Variants in ASB18 observed in about 807,000 individuals in gnomAD.
The protein encoded by ASB18 is ankyrin repeat and SOCS box containing 18.
ASB18 carries 33 observed loss-of-function variants against 33.4 expected under a neutral mutation model. The observed-to-expected ratio is 0.99, with a 90% CI of 0.75 to 1.32. ASB18 has a LOEUF of 1.32. Ranked by LOEUF, ASB18 falls within the 40% of genes most tolerant of loss-of-function variation. The pLI is 0.00. For missense variants in ASB18, 694 were observed against 655.5 expected, an observed-to-expected ratio of 1.06 and a Z score of -0.64; for synonymous variants, 295 against 307.6, an observed-to-expected ratio of 0.96 and a Z score of 0.43.
In ASB18 at chr2:236,208,813, G is replaced by A. The variant is rs1209412699; in HGVS notation, c.1101+5549C>T. Among the ~76,000 whole-genome samples the A allele has an allele frequency of 2.0e-5, 3 of 152,084 alleles. No individual in the cohort carries two copies. The highest frequency in any genetic ancestry group is 1.9e-4 in the East Asian group (1 of 5,190). On this transcript the variant is annotated intron_variant, in intron 4 of 5. Transcript: ENST00000409749. This position sits in a 1 kb window ranked among gnomAD's most constrained non-coding sequence, Gnocchi z 7.7. ...GCCAACACAGTTTAAAAATCTCCGCGGCCTCCTTGCTGTCTGCGGAGAGGC... is the reference window on the plus strand; with the variant it reads ...GCCAACACAGTTTAAAAATCTCCGCAGCCTCCTTGCTGTCTGCGGAGAGGC...
In ASB18 at chr2:236,244,711, C is replaced by G. The variant is rs867586147; in HGVS notation, c.206-3309G>C. On this transcript the variant is annotated intron_variant, in intron 1 of 5. Coordinates refer to ENST00000409749, the MANE Select transcript of ASB18 (RefSeq NM_212556.4). The surrounding 1 kb of genome is among the most constrained non-coding windows in gnomAD (Gnocchi z 6.1). ...AAGAGTAACCTGGCTTTTGGGTTGC[C>G]CCTTTCACCAAGATCTTCTATAACT... 6.6e-6 allele frequency among the ~76,000 whole-genome samples: 1 copy of G among 151,976 alleles called. No homozygotes were observed. The highest frequency in any genetic ancestry group is 2.1e-4 in the South Asian group (1 of 4,814).
intron 3 of ASB18, among the ~76,000 whole-genome samples, chr2:236,230,936 A>C (rs1366728025): frequency 6.6e-6 from 1 of 152,168 alleles, no homozygotes; most frequent in Non-Finnish European, 1.5e-5. Flanking sequence ...TGGATTAAAA[A>C]AAGCAAGACT....
In ASB18 at chr2:236,195,944, T is replaced by A. The variant is rs552664640; in HGVS notation, c.1215+328A>T. On this transcript the variant is annotated intron_variant, in intron 5 of 5. Coordinates refer to ENST00000409749, the MANE Select transcript of ASB18 (RefSeq NM_212556.4). The surrounding 1 kb of genome is among the most constrained non-coding windows in gnomAD (Gnocchi z 5.5). The stretch of plus-strand genomic sequence containing the variant: ...GCTGACTCACAGGGCCGGATTAGTA[T>A]GTCCTGACGTGGAGCTAGGCCCGTG... 209 of 373,414 alleles carry A rather than the reference T, an allele frequency of 5.6e-4. No homozygotes were observed. Among genetic ancestry groups the A allele is most frequent in the Non-Finnish European group, 8.7e-4 (169 of 194,644 alleles). 23.1% of individuals were successfully genotyped at this position (373,414 alleles called of 1,614,324 possible).
rs1246453525 is a variant in ASB18, at chr2:236,238,036, G to C, written c.329-80C>G. 1.4e-5 allele frequency: 18 copies of C among 1,258,178 alleles called. No individual in the cohort carries two copies. Among genetic ancestry groups the C allele is most frequent in the Non-Finnish European group, 1.8e-5 (17 of 963,970 alleles). 77.9% of individuals were successfully genotyped at this position (1,258,178 alleles called of 1,614,324 possible). A position where few individuals can be genotyped will look rare whatever the true frequency, so the allele number is the denominator to read the frequency against. On this transcript the variant is annotated intron_variant, in intron 2 of 5. Coordinates refer to ENST00000409749, the MANE Select transcript of ASB18 (RefSeq NM_212556.4). The surrounding 1 kb of genome is among the most constrained non-coding windows in gnomAD (Gnocchi z 5.2). ...TGGGCGGTGTTCCTTAAGGCGGAAAGAAAGTGAAGCCGTCTCTTAAAGGTA... is the reference window on the plus strand; with the variant it reads ...TGGGCGGTGTTCCTTAAGGCGGAAACAAAGTGAAGCCGTCTCTTAAAGGTA...
rs551589321 is a variant in ASB18, at chr2:236,244,493, G to A, written c.206-3091C>T. ...ACAGGAAAACAGATGTGAAATCAAG[G>A]AATAGAGCTCACTGGGCTGTGCATC... On this transcript the variant is annotated intron_variant, in intron 1 of 5. Transcript: ENST00000409749. The surrounding 1 kb of genome is among the most constrained non-coding windows in gnomAD (Gnocchi z 6.1). 8.9e-4 allele frequency among the ~76,000 whole-genome samples: 135 copies of A among 152,324 alleles called. No individual in the cohort carries two copies. Among genetic ancestry groups the A allele is most frequent in the African/African-American group, 3.2e-3 (131 of 41,572 alleles).
intron 1 of ASB18, chr2:236,254,140 G>A (rs2060681483): frequency 1.3e-5 from 2 of 152,168 alleles, no homozygotes; most frequent in African/African-American, 2.4e-5. Context: ...TAAAGAATAT[G>A]TAAATGAAGG....
rs954352852 is a variant in ASB18 at position 236,205,950 on chromosome 2, T to C, written c.1101+8412A>G. Among the ~76,000 whole-genome samples the C allele has an allele frequency of 1.3e-5, 2 of 152,234 alleles. No individual in the cohort carries two copies. Among genetic ancestry groups the C allele is most frequent in the Non-Finnish European group, 2.9e-5 (2 of 68,040 alleles). ...CTTTGCCAGATTTTTCCATGTCTTT[T>C]TAGAACATTTTTGTTAGAATGTATA... On this transcript the variant is annotated intron_variant, in intron 4 of 5. Coordinates refer to ENST00000409749, the MANE Select transcript of ASB18 (RefSeq NM_212556.4). The surrounding 1 kb of genome is among the most constrained non-coding windows in gnomAD (Gnocchi z 5.4).
Position 236,245,761 on chromosome 2 carries a change from G to C in ASB18, c.206-4359C>G, listed in dbSNP as rs1249386085. The stretch of plus-strand genomic sequence containing the variant: ...CGGTGGGGGCTGCTGCTTCCTCTCT[G>C]GGAAGTTCTTCATGCCCCGCATGGT... On this transcript the variant is annotated intron_variant, in intron 1 of 5. Transcript: ENST00000409749. This position sits in a 1 kb window ranked among gnomAD's most constrained non-coding sequence, Gnocchi z 4.7. Among the ~76,000 whole-genome samples, 2 of 152,148 alleles carry C rather than the reference G, an allele frequency of 1.3e-5. No individual in the cohort carries two copies. Among genetic ancestry groups the C allele is most frequent in the Non-Finnish European group, 2.9e-5 (2 of 68,020 alleles).
chr2:236,229,318 GATCA>G lies in ASB18; in HGVS notation c.596+8367_596+8370del, dbSNP rs768908660. On this transcript the variant is annotated intron_variant, in intron 3 of 5. Coordinates refer to ENST00000409749, the MANE Select transcript of ASB18 (RefSeq NM_212556.4). The surrounding 1 kb of genome is among the most constrained non-coding windows in gnomAD (Gnocchi z 5.2). ...GCAGATCAGGTATTTCAGAAGAGAA[GATCA>G]ATCAATCAATCAGAGAGAGAGGCTG... Among the ~76,000 whole-genome samples, 115 of 152,170 alleles carry G rather than the reference GATCA, an allele frequency of 7.6e-4. No individual in the cohort carries two copies. The highest frequency in any genetic ancestry group is 1.4e-3 in the Non-Finnish European group (94 of 68,008).
chr2:236,241,660 C>T lies in ASB18; in HGVS notation c.206-258G>A, dbSNP rs2060621769. 6 of 616,232 alleles carry T rather than the reference C, an allele frequency of 9.7e-6. No homozygotes were observed. Among genetic ancestry groups the T allele is most frequent in the South Asian group, 3.9e-5 (2 of 51,542 alleles). The allele number at this position is 616,232 out of a possible 1,614,324, so 38.2% of individuals were successfully genotyped here. On this transcript the variant is annotated intron_variant, in intron 1 of 5. Coordinates refer to ENST00000409749, the MANE Select transcript of ASB18 (RefSeq NM_212556.4). The surrounding 1 kb of genome is among the most constrained non-coding windows in gnomAD (Gnocchi z 4.2). ...GTATATTTATAACTCCTGTGGGCTCCGATGTGATAATGGTTACTTGATATG... is the reference window on the plus strand; with the variant it reads ...GTATATTTATAACTCCTGTGGGCTCTGATGTGATAATGGTTACTTGATATG...
intron 4 of ASB18, among the ~76,000 whole-genome samples, chr2:236,198,288 G>A (rs949161913): frequency 2.0e-5 from 3 of 152,154 alleles, no homozygotes; most frequent in African/African-American, 7.2e-5. Flanking sequence ...TGACAACAAT[G>A]GGTGAATGCT....
Position 236,214,912 on chromosome 2 carries a change from C to T in ASB18, c.597-46G>A. 8.3e-7 allele frequency: 1 copy of T among 1,201,842 alleles called. No individual in the cohort carries two copies. 74.4% of individuals were successfully genotyped at this position (1,201,842 alleles called of 1,614,324 possible). On this transcript the variant is annotated intron_variant, in intron 3 of 5. Coordinates refer to ENST00000409749, the MANE Select transcript of ASB18 (RefSeq NM_212556.4). The surrounding 1 kb of genome is among the most constrained non-coding windows in gnomAD (Gnocchi z 6.5). Reference sequence around the variant, plus strand: ...TCACTCGGGCGCCACGCAGGACGCCCGCACCCTTCCACCCCCGGCCTGCTG... The same window carrying T: ...TCACTCGGGCGCCACGCAGGACGCCTGCACCCTTCCACCCCCGGCCTGCTG...
At position 236,234,543 on chromosome 2, in the gene ASB18, C is replaced by G. The variant is rs1230089132; in HGVS notation, c.596+3146G>C. On this transcript the variant is annotated intron_variant, in intron 3 of 5. Transcript: ENST00000409749. The surrounding 1 kb of genome is among the most constrained non-coding windows in gnomAD (Gnocchi z 4.1). ...ATAATAGAGTGGCTCCTCACGTCTT[C>G]ACCAGGTGAACCAGTCAGACTTTGC... Among the ~76,000 whole-genome samples, 1 of 152,216 alleles carries G rather than the reference C, an allele frequency of 6.6e-6. No individual in the cohort carries two copies. Among genetic ancestry groups the G allele is most frequent in the Admixed American group, 6.5e-5 (1 of 15,282 alleles).
rs1187428557 is a variant in ASB18, at chr2:236,200,148, A to G, written c.1102-3763T>C. 1.3e-5 allele frequency among the ~76,000 whole-genome samples: 2 copies of G among 152,164 alleles called. No homozygotes were observed. The highest frequency in any genetic ancestry group is 2.9e-5 in the Non-Finnish European group (2 of 68,034). On this transcript the variant is annotated intron_variant, in intron 4 of 5. Coordinates refer to ENST00000409749, the MANE Select transcript of ASB18 (RefSeq NM_212556.4). This position sits in a 1 kb window ranked among gnomAD's most constrained non-coding sequence, Gnocchi z 4.2. ...GATCACCTGAGGTCAGGAGTTCGAT[A>G]CTAGCCTGGCCAACATGGTGAAGCT...
At position 236,226,359 on chromosome 2, in the gene ASB18, A is replaced by G. The variant is rs1337736983; in HGVS notation, c.596+11330T>C. On this transcript the variant is annotated intron_variant, in intron 3 of 5. Coordinates refer to ENST00000409749, the MANE Select transcript of ASB18 (RefSeq NM_212556.4). This position sits in a 1 kb window ranked among gnomAD's most constrained non-coding sequence, Gnocchi z 4.8. The stretch of plus-strand genomic sequence containing the variant: ...CAATAATCTGGATTTAAATAAGTCA[A>G]GAGTGTCAAATTAAACAGCCAAAGG... Among the ~76,000 whole-genome samples, 1 of 152,242 alleles carries G rather than the reference A, an allele frequency of 6.6e-6. No individual in the cohort carries two copies. Among genetic ancestry groups the G allele is most frequent in the Non-Finnish European group, 1.5e-5 (1 of 68,046 alleles).
At position 236,229,553 on chromosome 2, in the gene ASB18, G is replaced by A. The variant is rs1308110418; in HGVS notation, c.596+8136C>T. 6.6e-6 allele frequency among the ~76,000 whole-genome samples: 1 copy of A among 152,048 alleles called. No homozygotes were observed. Among genetic ancestry groups the A allele is most frequent in the African/African-American group, 2.4e-5 (1 of 41,402 alleles). ...GAATCCCAAGCATAAGAAACATAAA[G>A]AAAACTTGCCTGGCATGGTGGCTCA... is the stretch of plus-strand genomic sequence containing the variant. On this transcript the variant is annotated intron_variant, in intron 3 of 5. Coordinates refer to ENST00000409749, the MANE Select transcript of ASB18 (RefSeq NM_212556.4). This position sits in a 1 kb window ranked among gnomAD's most constrained non-coding sequence, Gnocchi z 5.2.
At chr2:236,261,070 C>A (rs188898400) in intron 1 of ASB18, among the ~76,000 whole-genome samples, 23 of 152,304 alleles carry the variant, frequency 1.5e-4, no homozygotes, top group African/African-American at 4.6e-4. Context: ...TTGTTTCTAT[C>A]TTAGCTGGTG....
Position 236,214,926 on chromosome 2 carries a change from C to G in ASB18, c.597-60G>C, listed in dbSNP as rs1187546821. 1 of 1,189,288 alleles carries G rather than the reference C, an allele frequency of 8.4e-7. No individual in the cohort carries two copies. The highest frequency in any genetic ancestry group is 1.0e-6 in the Non-Finnish European group (1 of 958,634). 73.7% of individuals were successfully genotyped at this position (1,189,288 alleles called of 1,614,324 possible). ...CGCAGGACGCCCGCACCCTTCCACC[C>G]CCGGCCTGCTGCTGCAAAATATCAA... On this transcript the variant is annotated intron_variant, in intron 3 of 5. Transcript: ENST00000409749. The surrounding 1 kb of genome is among the most constrained non-coding windows in gnomAD (Gnocchi z 6.5).
Position 236,222,120 on chromosome 2 carries a change from G to A in ASB18, c.597-7254C>T, listed in dbSNP as rs944748860. On this transcript the variant is annotated intron_variant, in intron 3 of 5. Coordinates refer to ENST00000409749, the MANE Select transcript of ASB18 (RefSeq NM_212556.4). The surrounding 1 kb of genome is among the most constrained non-coding windows in gnomAD (Gnocchi z 5.5). ...AAGGACGGGGAAGCCACAGCTCCAC[G>A]ACTTTGATGGAGGAGCGGTTCCACT... Among the ~76,000 whole-genome samples, 5 of 152,156 alleles carry A rather than the reference G, an allele frequency of 3.3e-5. No homozygotes were observed. The highest frequency in any genetic ancestry group is 4.4e-5 in the Non-Finnish European group (3 of 68,020).
Sources: allele counts gnomAD v4.1 joint callset (sites outside exome capture counted in the v4.1 genomes callset), GRCh38; gene constraint gnomAD v4.1.1; non-coding constraint Gnocchi (gnomAD v3.1); transcripts MANE v1.5; gene names NCBI Gene and HGNC (gene_info 2026-07-23, HGNC 2026-07-21).